The following RWDD2B variants were observed in gnomAD, a reference collection of about 807,000 sequenced individuals.
The protein encoded by RWDD2B is RWD domain-containing protein 2B.
Under a neutral mutation model 33.6 loss-of-function variants are expected in RWDD2B, and 36 were observed. The ratio of observed to expected loss-of-function variants is 1.07; its 90% CI spans 0.82 to 1.42. RWDD2B has a LOEUF of 1.42. RWDD2B is among the 40% of genes most tolerant of loss of function. The pLI is 0.00. For missense variants in RWDD2B, 364 were observed against 377.5 expected (o/e 0.96, Z 0.30); for synonymous variants, 126 against 133.1 (o/e 0.95, Z 0.37).
Position 29,007,818 on chromosome 21 carries a change from T to C in RWDD2B, c.668A>G (p.Lys223Arg). 1 of 1,614,222 alleles carries C rather than the reference T, an allele frequency of 6.2e-7. No homozygotes were observed. The highest frequency in any genetic ancestry group is 8.5e-7 in the Non-Finnish European group (1 of 1,180,034). ...GCCTTCCACACAAACAACACCAGGT[T>C]TTCCAGGCATGCTAAACCCAGACAG... ...LSLSGFSMPG[K>R]PGVVCVEGPQ... The change falls in exon 4 of 5, where the codon AAA becomes AGA. Residue 223 changes from lysine (K) to arginine (R), a missense_variant. Coordinates refer to ENST00000493196, the MANE Select transcript of RWDD2B (RefSeq NM_016940.3).
At chr21:29,011,379 A>C (rs1601021544) in intron 1 of RWDD2B, among the ~76,000 whole-genome samples, 2 of 128,764 alleles carry the variant, frequency 1.6e-5, no homozygotes, top group African/African-American at 3.1e-5. Context: ...AAGTGAGGAG[A>C]CCCTCTGCCT....
At chr21:29,018,049 C>A (rs1350028874) in intron 1 of RWDD2B, among the ~76,000 whole-genome samples, 4 of 152,184 alleles carry the variant, frequency 2.6e-5, no homozygotes, top group Non-Finnish European at 4.4e-5. Context: ...ACACTTGCTG[C>A]TATGGAGAAA....
chr21:29,006,418 C>T lies in RWDD2B; in HGVS notation c.959G>A (p.Ter320=). Residue 320 remains the stop codon, a stop_retained_variant, in exon 5 of 5, where the codon TGA becomes TAA. Transcript: ENST00000493196. ...FQMFFGVEGQ[*] is the part of the protein sequence containing the mutation. Reference sequence around the variant, plus strand: ...AGATACTTTCAACTACTCTTGATGTCATTGTCCTTCTACACCAAAGAACAT... The same window carrying T: ...AGATACTTTCAACTACTCTTGATGTTATTGTCCTTCTACACCAAAGAACAT... 6.3e-7 allele frequency: 1 copy of T among 1,591,036 alleles called. No individual in the cohort carries two copies. Among genetic ancestry groups the T allele is most frequent in the African/African-American group, 1.3e-5 (1 of 74,162 alleles).
At position 29,008,034 on chromosome 21, in the gene RWDD2B, A is replaced by T. The variant is rs752874380; in HGVS notation, c.452T>A (p.Ile151Lys). The change falls in exon 4 of 5, where the codon ATA becomes AAA. Residue 151 changes from isoleucine to lysine, a missense_variant. Coordinates refer to ENST00000493196, the MANE Select transcript of RWDD2B (RefSeq NM_016940.3). Reference sequence around the variant, plus strand: ...TCTAACCCACTCTGTGGCATTCAGTATACAAACATCTCCATGACAATGTTT... The same window carrying T: ...TCTAACCCACTCTGTGGCATTCAGTTTACAAACATCTCCATGACAATGTTT... Reference protein sequence around the residue: ...LQKHCHGDVCILNATEWVREH... With the variant: ...LQKHCHGDVCKLNATEWVREH... The T allele has an allele frequency of 2.5e-6, 4 of 1,614,260 alleles. No homozygotes were observed. The highest frequency in any genetic ancestry group is 3.4e-6 in the Non-Finnish European group (4 of 1,180,042).
chr21:29,006,232 C>A lies in RWDD2B; in HGVS notation c.*185G>T. The A allele has an allele frequency of 2.1e-6, 1 of 466,292 alleles. No individual in the cohort carries two copies. The highest frequency in any genetic ancestry group is 2.0e-5 in the African/African-American group (1 of 49,696). 28.9% of individuals were successfully genotyped at this position (466,292 alleles called of 1,614,324 possible). A position where few individuals can be genotyped will look rare whatever the true frequency, so the allele number is the denominator to read the frequency against. On this transcript the variant is annotated 3_prime_UTR_variant, in exon 5 of 5. Transcript: ENST00000493196. The stretch of plus-strand genomic sequence containing the variant: ...ACAATTTTAAGGTTGTAATTTGAAA[C>A]TCAGTTCTGCTTTCAATCATGACAT...
rs767402343 is a variant in RWDD2B, at chr21:29,009,575, TA to T, written c.68-955del. ...ACACCCGGTTAATTTTTTGTATTTT[TA>T]GTAGAGATGGGGTTTCACCGTGTTA... On this transcript the variant is annotated intron_variant, in intron 1 of 4. Coordinates refer to ENST00000493196, the MANE Select transcript of RWDD2B (RefSeq NM_016940.3). 4.0e-5 allele frequency: 6 copies of T among 151,662 alleles called. No homozygotes were observed. In the East Asian group the frequency reaches 1.2e-3, roughly 30 times the overall value. 9.4% of individuals were successfully genotyped at this position (151,662 alleles called of 1,614,324 possible). A position where few individuals can be genotyped will look rare whatever the true frequency, so the allele number is the denominator to read the frequency against.
At chr21:29,017,072 C>A (rs544080186) in intron 1 of RWDD2B, among the ~76,000 whole-genome samples, 1 of 151,852 alleles carries the variant, frequency 6.6e-6, no homozygotes, top group East Asian at 2.0e-4. Context: ...GGGGTTTCAC[C>A]ACGTTGGCCA....
intron 4 of RWDD2B, 22 bp downstream of exon 4, chr21:29,007,739 A>G (rs1320545865): frequency 6.3e-6 from 10 of 1,599,544 alleles, no homozygotes; most frequent in Non-Finnish European, 8.5e-6. Context: ...ACATGACTTC[A>G]TATACATATG....
chr21:29,011,940 TG>T (rs1356928074), intron 1 of RWDD2B, among the ~76,000 whole-genome samples: 4 of 87,186 alleles, frequency 4.6e-5, no homozygotes, highest in East Asian at 3.8e-4. Flanking sequence ...GGGAGGGAGG[TG>T]GGGGGGTCAG....
At position 29,008,002 on chromosome 21, in the gene RWDD2B, C is replaced by A; in HGVS notation, c.484G>T (p.Ala162Ser). The change falls in exon 4 of 5, where the codon GCC becomes TCC. Residue 162 changes from alanine to serine, a missense_variant. By Grantham distance (99) the Ala-to-Ser change is moderately conservative. Transcript: ENST00000493196. ...GTATCTCTGCTGACATAGCCAGAGG[C>A]GTGTTCTCTAACCCACTCTGTGGCA... ...LNATEWVREH[A>S]SGYVSRDTSS... The A allele has an allele frequency of 6.2e-7, 1 of 1,614,218 alleles. No individual in the cohort carries two copies. Among genetic ancestry groups the A allele is most frequent in the Non-Finnish European group, 8.5e-7 (1 of 1,180,042 alleles).
chr21:29,008,096 C>G lies in RWDD2B; in HGVS notation c.390G>C (p.Gln130His). ...VRSVLLSRSQ[Q>H]TQLNTDLTAF... The stretch of plus-strand genomic sequence containing the variant: ...CAGTCAGATCTGTGTTCAGCTGAGT[C>G]TGCTGGGATCTACTCAATAATACTG... Residue 130 changes from glutamine to histidine, a missense_variant, in exon 4 of 5, where the codon CAG becomes CAC. Transcript: ENST00000493196. The G allele has an allele frequency of 6.2e-7, 1 of 1,613,792 alleles. No individual in the cohort carries two copies. The highest frequency in any genetic ancestry group is 8.5e-7 in the Non-Finnish European group (1 of 1,179,682).
chr21:29,011,510 G>A (rs1382573453), intron 1 of RWDD2B, among the ~76,000 whole-genome samples: 7 of 151,434 alleles, frequency 4.6e-5, no homozygotes, highest in Non-Finnish European at 7.4e-5. Flanking sequence ...GTCTCTACCC[G>A]GCAGCCACCT....
rs1029329366 is a variant in RWDD2B at position 29,006,355 on chromosome 21, A to G, written c.*62T>C. On this transcript the variant is annotated 3_prime_UTR_variant, in exon 5 of 5. Transcript: ENST00000493196. Reference sequence around the variant, plus strand: ...AATAAAATTACTTAATCTTTCAAGAAAAAGTGGGAAAAAAAAATCAAAAGG... The same window carrying G: ...AATAAAATTACTTAATCTTTCAAGAGAAAGTGGGAAAAAAAAATCAAAAGG... The G allele has an allele frequency of 1.3e-5, 14 of 1,094,874 alleles. No homozygotes were observed. In the East Asian group the frequency reaches 3.4e-4, roughly 27 times the overall value. The allele number at this position is 1,094,874 out of a possible 1,614,324, so 67.8% of individuals were successfully genotyped here. A position where few individuals can be genotyped will look rare whatever the true frequency, so the allele number is the denominator to read the frequency against.
At position 29,007,767 on chromosome 21, in the gene RWDD2B, C is replaced by T; in HGVS notation, c.719G>A (p.Trp240Ter). 6.2e-7 allele frequency: 1 copy of T among 1,612,236 alleles called. No individual in the cohort carries two copies. The highest frequency in any genetic ancestry group is 8.5e-7 in the Non-Finnish European group (1 of 1,179,244). The change falls in exon 4 of 5, where the codon TGG (tryptophan) becomes TAG (stop). Residue 240 changes from tryptophan (W) to a stop codon, truncating the protein, a stop_gained. Coordinates refer to ENST00000493196, the MANE Select transcript of RWDD2B (RefSeq NM_016940.3). LOFTEE classifies it high-confidence loss of function. ...EGPQSACEEF[W>*]SRLRKLNWKR... The stretch of plus-strand genomic sequence containing the variant: ...TACATATGTAAAAGCAAACCTTGAC[C>T]AGAATTCTTCACAGGCACTTTGTGG...
chr21:29,009,442 G>A (rs1243042929), intron 1 of RWDD2B, among the ~76,000 whole-genome samples: 1 of 141,224 alleles, frequency 7.1e-6, no homozygotes, highest in Non-Finnish European at 1.5e-5. Context: ...CACCCAGGCT[G>A]TAGTGCAGTG....
At chr21:29,013,564 C>T (rs541243679) in intron 1 of RWDD2B, among the ~76,000 whole-genome samples, 115 of 152,034 alleles carry the variant, frequency 7.6e-4, no homozygotes, top group African/African-American at 2.6e-3. Context: ...TGGCCGGCGC[C>T]TGTAGTCCCA....
At chr21:29,016,834 T>C (rs1453986747) in intron 1 of RWDD2B, among the ~76,000 whole-genome samples, 1 of 152,184 alleles carries the variant, frequency 6.6e-6, no homozygotes, top group Non-Finnish European at 1.5e-5. Flanking sequence ...AATTTATCTG[T>C]GCTTTAGTCT....
chr21:29,019,338 G>T lies in RWDD2B; in HGVS notation c.-61C>A. ...CCAAAACTTACAAACCGCCTCAGCT[G>T]GCGACCTACCGGAAAAAAAAAAAAA... On this transcript the variant is annotated 5_prime_UTR_variant, in exon 1 of 5. Transcript: ENST00000493196. 7.9e-7 allele frequency: 1 copy of T among 1,264,360 alleles called. No homozygotes were observed. Among genetic ancestry groups the T allele is most frequent in the Middle Eastern group, 2.1e-4 (1 of 4,706 alleles). 78.3% of individuals were successfully genotyped at this position (1,264,360 alleles called of 1,614,324 possible).
intron 1 of RWDD2B, among the ~76,000 whole-genome samples, chr21:29,016,890 T>C (rs543257095): frequency 6.6e-6 from 1 of 152,264 alleles, no homozygotes; most frequent in African/African-American, 2.4e-5. Flanking sequence ...GATGATTAGA[T>C]GAGAATTTGT....
Sources: gnomAD v4.1 joint callset for allele counts (sites outside exome capture counted in the v4.1 genomes callset) on GRCh38, gnomAD v4.1.1 for gene constraint, MANE v1.5 for transcripts, NCBI Gene and HGNC (gene_info 2026-07-23, HGNC 2026-07-21) for gene names.